Variants in PDE10A observed in about 807,000 individuals in gnomAD.
PDE10A encodes the protein cAMP and cAMP-inhibited cGMP 3',5'-cyclic phosphodiesterase 10A.
Under a neutral mutation model 97.7 loss-of-function variants are expected in PDE10A, and 39 were observed. The observed-to-expected ratio is 0.40, with a 90% CI of 0.31 to 0.52. The LOEUF (loss-of-function observed/expected upper bound fraction) is 0.52. PDE10A is among the 20% of genes least tolerant of loss of function. PDE10A has a pLI of 0.56. For synonymous variants in PDE10A, 371 were observed against 376.8 expected, an observed-to-expected ratio of 0.98 and a Z score of 0.18; for missense variants, 731 against 1,047.8, an observed-to-expected ratio of 0.70 and a Z score of 4.17.
chr6:165,925,096 C>T (rs138676662), intron 1 of PDE10A, among the ~76,000 whole-genome samples: 2,960 of 152,268 alleles, frequency 0.019, 55 homozygotes, highest in Non-Finnish European at 0.025. Context: ...AAGACATAAA[C>T]AGCTGCTTTG....
intron 1 of PDE10A, among the ~76,000 whole-genome samples, chr6:165,854,988 G>GGAATGAAT (rs56216066): frequency 0.015 from 2,278 of 149,840 alleles, 24 homozygotes; most frequent in East Asian, 0.018. Flanking sequence ...AAGAGGAAGA[G>GGAATGAAT]GAATGAATGA....
Position 165,704,131 on chromosome 6 carries a change from GA to G in PDE10A, c.-614-160564del, listed in dbSNP as rs1220269935. Among the ~76,000 whole-genome samples the G allele has an allele frequency of 2.0e-5, 3 of 152,302 alleles. No individual in the cohort carries two copies. The East Asian group carries it at 5.8e-4, about 29-fold the overall frequency. On this transcript the variant is annotated intron_variant, in intron 1 of 19. Transcript: ENST00000366882. ...ACAGAGAAACTCTGTATACGTTTGG[GA>G]ACTGGCTCAAGTTCTCAGGCTCCGG... is the stretch of plus-strand genomic sequence containing the variant.
intron 1 of PDE10A, among the ~76,000 whole-genome samples, chr6:165,617,516 C>A (rs372402896): frequency 1.3e-5 from 2 of 151,942 alleles, no homozygotes; most frequent in South Asian, 4.2e-4. Context: ...TACATCTGAT[C>A]GGCCATTAAT....
At chr6:165,837,071 G>T (rs1357247070) in intron 1 of PDE10A, among the ~76,000 whole-genome samples, 2 of 111,756 alleles carry the variant, frequency 1.8e-5, no homozygotes, top group Non-Finnish European at 1.7e-5. Context: ...AGGGGGGAGG[G>T]ATAGCACTGG....
intron 2 of PDE10A, among the ~76,000 whole-genome samples, chr6:165,497,224 A>T (rs1278260078): frequency 6.6e-6 from 1 of 152,202 alleles, no homozygotes; most frequent in Non-Finnish European, 1.5e-5. Flanking sequence ...ACAATGTTGT[A>T]GTATAATCTT....
intron 3 of PDE10A, among the ~76,000 whole-genome samples, chr6:165,460,486 T>C (rs1299886680): frequency 6.6e-6 from 1 of 152,160 alleles, no homozygotes; most frequent in Non-Finnish European, 1.5e-5. Context: ...TAAATCAAAT[T>C]GCTGATAAAC....
chr6:165,571,513 T>C (rs1785048485), intron 1 of PDE10A, among the ~76,000 whole-genome samples: 1 of 152,214 alleles, frequency 6.6e-6, no homozygotes. Flanking sequence ...ATGGATAATG[T>C]TATCTGAGTG....
chr6:165,976,744 G>C (rs1012038614), intron 1 of PDE10A, among the ~76,000 whole-genome samples: 2 of 152,102 alleles, frequency 1.3e-5, no homozygotes, highest in African/African-American at 2.4e-5. Flanking sequence ...CTCACACAGA[G>C]AGTCACGTCT....
chr6:165,407,933 C>T (rs1787346188), intron 13 of PDE10A, among the ~76,000 whole-genome samples: 1 of 151,994 alleles, frequency 6.6e-6, no homozygotes, highest in South Asian at 2.1e-4. Flanking sequence ...GAGACGTTCC[C>T]CTTTAATTAA....
intron 2 of PDE10A, among the ~76,000 whole-genome samples, chr6:165,482,728 C>T (rs150075586): frequency 2.6e-5 from 4 of 152,260 alleles, no homozygotes; most frequent in African/African-American, 9.6e-5. Context: ...AACACTCGTG[C>T]TTCGAAGGTT....
chr6:165,863,269 A>G (rs1780955823), intron 1 of PDE10A, among the ~76,000 whole-genome samples: 1 of 152,178 alleles, frequency 6.6e-6, no homozygotes, highest in African/African-American at 2.4e-5. Context: ...GCTCTAAGAA[A>G]CAGGATTCTG....
chr6:165,920,620 A>G (rs1441847525), intron 1 of PDE10A, among the ~76,000 whole-genome samples: 1 of 152,174 alleles, frequency 6.6e-6, no homozygotes, highest in Non-Finnish European at 1.5e-5. Context: ...AAAGTCAGCA[A>G]TGAGCCATAC....
chr6:165,644,275 A>T (rs925163607), intron 1 of PDE10A, among the ~76,000 whole-genome samples: 2 of 152,062 alleles, frequency 1.3e-5, no homozygotes, highest in Non-Finnish European at 2.9e-5. Context: ...GTTAGCCAGG[A>T]TGGTCTCGAT....
chr6:165,695,603 G>C (rs1274593349), intron 1 of PDE10A, among the ~76,000 whole-genome samples: 1 of 152,198 alleles, frequency 6.6e-6, no homozygotes, highest in Non-Finnish European at 1.5e-5. Flanking sequence ...GAGAGGTGCA[G>C]GCTGTAAAAC....
Position 165,571,722 on chromosome 6 carries a change from T to C in PDE10A, c.866-28154A>G, listed in dbSNP as rs577777052. 3.9e-5 allele frequency among the ~76,000 whole-genome samples: 6 copies of C among 152,328 alleles called. No individual in the cohort carries two copies. The South Asian group carries it at 1.2e-3, about 32-fold the overall frequency. On this transcript the variant is annotated intron_variant, in intron 1 of 21. Coordinates refer to ENST00000539869, the MANE Select transcript of PDE10A (RefSeq NM_001385079.1). ...TTTAGTACCAGTTGACCTGCCTGTA[T>C]TTATTTTCTCATAATCCACAGTCAC... is the stretch of plus-strand genomic sequence containing the variant.
chr6:165,676,492 A>G (rs1790799064), intron 1 of PDE10A, among the ~76,000 whole-genome samples: 1 of 152,156 alleles, frequency 6.6e-6, no homozygotes, highest in African/African-American at 2.4e-5. Context: ...GGCAGGTTGG[A>G]AAGGGCGTGG....
At chr6:165,450,639 C>T (rs1367518971) in intron 3 of PDE10A, among the ~76,000 whole-genome samples, 1 of 152,084 alleles carries the variant, frequency 6.6e-6, no homozygotes, top group Admixed American at 6.6e-5. Context: ...CAGCTCACTG[C>T]AACCTCCACC....
In PDE10A at chr6:165,678,054, T is replaced by C. The variant is rs575521199; in HGVS notation, c.-614-134486A>G. Reference sequence around the variant, plus strand: ...TTGTGTGGGTGTTTGTATATGTGTGTGTTTGTGTATGTGTGTTTGTATAGC... The same window carrying C: ...TTGTGTGGGTGTTTGTATATGTGTGCGTTTGTGTATGTGTGTTTGTATAGC... On this transcript the variant is annotated intron_variant, in intron 1 of 19. Coordinates refer to the PDE10A transcript ENST00000366882. 7.3e-5 allele frequency among the ~76,000 whole-genome samples: 11 copies of C among 151,458 alleles called. No homozygotes were observed. The East Asian group carries it at 1.8e-3, about 24-fold the overall frequency.
intron 1 of PDE10A, among the ~76,000 whole-genome samples, chr6:165,769,847 T>C (rs746947005): frequency 1.2e-4 from 18 of 152,334 alleles, no homozygotes; most frequent in Non-Finnish European, 2.6e-4. Flanking sequence ...AGTGAGTTTC[T>C]GTGTACAATA....
Sources: allele counts gnomAD v4.1 joint callset (sites outside exome capture counted in the v4.1 genomes callset), GRCh38; gene constraint gnomAD v4.1.1; transcripts MANE v1.5; gene names NCBI Gene and HGNC (gene_info 2026-07-23, HGNC 2026-07-21).